SERINC5: variants seen among roughly 807,000 people sequenced by gnomAD.
The protein encoded by SERINC5 is chromosome 5 open reading frame 12.
SERINC5 carries 41 observed loss-of-function variants against 63.1 expected under a neutral mutation model. The observed-to-expected ratio is 0.65, with a 90% CI of 0.51 to 0.84. The LOEUF (loss-of-function observed/expected upper bound fraction) is 0.84. SERINC5 is among the 40% of genes least tolerant of loss of function. The pLI is 0.00. For synonymous variants in SERINC5, 222 were observed against 215.2 expected, an observed-to-expected ratio of 1.03 and a Z score of -0.28; for missense variants, 523 against 573.0, an observed-to-expected ratio of 0.91 and a Z score of 0.89.
At chr5:80,209,788 C>G (rs1331875416) in intron 1 of SERINC5, among the ~76,000 whole-genome samples, 1 of 152,054 alleles carries the variant, frequency 6.6e-6, no homozygotes, top group Non-Finnish European at 1.5e-5. Context: ...GCCTGTAATC[C>G]CAGCACTTTG....
At chr5:80,205,207 T>C (rs987135807) in intron 1 of SERINC5, among the ~76,000 whole-genome samples, 2 of 152,226 alleles carry the variant, frequency 1.3e-5, no homozygotes, top group Admixed American at 6.5e-5. Flanking sequence ...CAGACTCAAC[T>C]GTAAAAACAG....
In SERINC5 at chr5:80,146,301, C is replaced by T. The variant is rs979627442; in HGVS notation, c.1094-67G>A. 2.3e-5 allele frequency: 37 copies of T among 1,578,304 alleles called. No individual in the cohort carries two copies. The African/African-American group carries it at 2.7e-4, about 11-fold the overall frequency. ...GTGTGTTTACCATTCAGCAAAGTCA[C>T]GCTCGCTAATTCTACAGGGCTGTCA... On this transcript the variant is annotated intron_variant, in intron 10 of 11. Transcript: ENST00000507668.
In SERINC5 at chr5:80,203,027, G is replaced by A. The variant is rs1402358718; in HGVS notation, c.54C>T (p.Gly18=). Residue 18 remains glycine (G), a synonymous_variant, in exon 2 of 12, where the codon GGC becomes GGT. Transcript: ENST00000507668. ...GGCAGCAATCACAGCAGAGAGAGCA[G>A]CCTGCAGACCCACAGCAGCAGGCCA... ...GQLACCCGSA[G]CSLCCDCCPR... The A allele has an allele frequency of 8.1e-6, 13 of 1,611,460 alleles. No individual in the cohort carries two copies. The highest frequency in any genetic ancestry group is 1.0e-5 in the Non-Finnish European group (12 of 1,178,702).
intron 11 of SERINC5, chr5:80,128,256 C>T (rs1744818580): frequency 6.6e-6 from 1 of 152,134 alleles, no homozygotes; most frequent in African/African-American, 2.4e-5. Context: ...GTAAAACATG[C>T]AATGAATTTT....
intron 2 of SERINC5, among the ~76,000 whole-genome samples, chr5:80,193,428 C>T (rs1435737001): frequency 1.3e-5 from 2 of 152,166 alleles, no homozygotes; most frequent in Non-Finnish European, 2.9e-5. Context: ...GCTTAACAGA[C>T]GCTTTAGATG....
chr5:80,190,876 G>C (rs1749139510), intron 2 of SERINC5, among the ~76,000 whole-genome samples: 1 of 152,116 alleles, frequency 6.6e-6, no homozygotes, highest in South Asian at 2.1e-4. Context: ...ATCAGACCTG[G>C]AATTGAATGA....
Position 80,251,007 on chromosome 5 carries a change from T to A in SERINC5, c.27+4889A>T, listed in dbSNP as rs143670958. The stretch of plus-strand genomic sequence containing the variant: ...AACTAATGTCCCGCTTTGTTTATCT[T>A]TGATGATGGATAGTTCCTGGTGGCA... On this transcript the variant is annotated intron_variant, in intron 1 of 11. Coordinates refer to ENST00000507668, the MANE Select transcript of SERINC5 (RefSeq NM_001174072.3). Among the ~76,000 whole-genome samples, 11 of 152,364 alleles carry A rather than the reference T, an allele frequency of 7.2e-5. No homozygotes were observed. In the East Asian group the frequency reaches 2.1e-3, roughly 29 times the overall value.
intron 2 of SERINC5, among the ~76,000 whole-genome samples, chr5:80,187,777 C>T (rs1468464641): frequency 6.6e-6 from 1 of 152,168 alleles, no homozygotes; most frequent in East Asian, 1.9e-4. Flanking sequence ...GTTCACAGCT[C>T]CTCCTCCACC....
chr5:80,139,936 G>A lies in SERINC5; in HGVS notation c.*3727C>T, dbSNP rs964211831. 1.3e-5 allele frequency: 13 copies of A among 985,286 alleles called. No individual in the cohort carries two copies. The highest frequency in any genetic ancestry group is 1.7e-5 in the African/African-American group (1 of 57,216). 61.0% of individuals were successfully genotyped at this position (985,286 alleles called of 1,614,324 possible). A position where few individuals can be genotyped will look rare whatever the true frequency, so the allele number is the denominator to read the frequency against. On this transcript the variant is annotated 3_prime_UTR_variant, in exon 12 of 12. Coordinates refer to ENST00000507668, the MANE Select transcript of SERINC5 (RefSeq NM_001174072.3). ...TATTTGGAAAGGCAATAAAGGGAGT[G>A]TAAAAGCCTAGGTAGCTTAAATACA...
intron 7 of SERINC5, among the ~76,000 whole-genome samples, chr5:80,163,980 G>A (rs1282622708): frequency 6.6e-6 from 1 of 152,034 alleles, no homozygotes. Context: ...GTAGGATTTG[G>A]CTATGACTCC....
Position 80,141,336 on chromosome 5 carries a change from G to A in SERINC5, c.*2327C>T, listed in dbSNP as rs980017641. 2 of 985,308 alleles carry A rather than the reference G, an allele frequency of 2.0e-6. No homozygotes were observed. The highest frequency in any genetic ancestry group is 3.5e-5 in the African/African-American group (2 of 57,224). 61.0% of individuals were successfully genotyped at this position (985,308 alleles called of 1,614,324 possible). A position where few individuals can be genotyped will look rare whatever the true frequency, so the allele number is the denominator to read the frequency against. On this transcript the variant is annotated 3_prime_UTR_variant, in exon 12 of 12. Coordinates refer to ENST00000507668, the MANE Select transcript of SERINC5 (RefSeq NM_001174072.3). ...GCTGGCTCCAGAAGGAAGCGACGAGGGCCTTCTACCGGCCACACTCCCTTG... is the reference window on the plus strand; with the variant it reads ...GCTGGCTCCAGAAGGAAGCGACGAGAGCCTTCTACCGGCCACACTCCCTTG...
chr5:80,160,977 T>A (rs143456099), intron 7 of SERINC5, among the ~76,000 whole-genome samples: 10,943 of 150,600 alleles, frequency 0.073, 1,391 homozygotes, highest in African/African-American at 0.25. Flanking sequence ...TATATATGTA[T>A]ATATGTGTGT....
chr5:80,163,025 T>C (rs766534042), intron 7 of SERINC5, among the ~76,000 whole-genome samples: 4 of 151,828 alleles, frequency 2.6e-5, no homozygotes, highest in Non-Finnish European at 5.9e-5. Flanking sequence ...TGGCTAATTT[T>C]TGTATTTTTA....
downstream of SERINC5, among the ~76,000 whole-genome samples, chr5:80,137,625 C>A (rs1455485900): frequency 3.8e-5 from 5 of 131,878 alleles, no homozygotes; most frequent in African/African-American, 1.1e-4. Context: ...CTTGGGCGAC[C>A]AAGCAAGACT....
At chr5:80,225,065 C>T (rs377413268) in intron 1 of SERINC5, among the ~76,000 whole-genome samples, 33 of 152,086 alleles carry the variant, frequency 2.2e-4, no homozygotes, top group African/African-American at 7.7e-4. Context: ...CTCAGCCTCC[C>T]GAGTAGCTGA....
intron 2 of SERINC5, 69 bp from the exon 3 acceptor site, chr5:80,178,133 T>C: frequency 1.0e-6 from 1 of 988,890 alleles, no homozygotes; most frequent in Non-Finnish European, 1.5e-6. Flanking sequence ...GGAGTGTTCA[T>C]GCAGCCAACC....
chr5:80,170,810 G>C (rs1226160978), intron 5 of SERINC5, among the ~76,000 whole-genome samples: 5 of 152,120 alleles, frequency 3.3e-5, no homozygotes, highest in Non-Finnish European at 5.9e-5. Context: ...GAAGCTAGGA[G>C]CTCAAGACCA....
At chr5:80,182,700 C>CA (rs1172306995) in intron 2 of SERINC5, among the ~76,000 whole-genome samples, 1 of 151,972 alleles carries the variant, frequency 6.6e-6, no homozygotes, top group Non-Finnish European at 1.5e-5. Flanking sequence ...CGCCTGCCAC[C>CA]ACGCCTGGCT....
chr5:80,184,908 G>T (rs1210117623), intron 2 of SERINC5, among the ~76,000 whole-genome samples: 2 of 152,050 alleles, frequency 1.3e-5, no homozygotes, highest in Non-Finnish European at 2.9e-5. Flanking sequence ...ATGCAGTCTT[G>T]CTCTGTTGCC....
Sources: gnomAD v4.1 joint callset for allele counts (sites outside exome capture counted in the v4.1 genomes callset) on GRCh38, gnomAD v4.1.1 for gene constraint, MANE v1.5 for transcripts, NCBI Gene and HGNC (gene_info 2026-07-23, HGNC 2026-07-21) for gene names.